Variants in NTNG2 observed in about 807,000 individuals in gnomAD.
NTNG2 encodes netrin G2.
A neutral mutation model predicts 47.6 loss-of-function variants in NTNG2; 15 were observed. The ratio of observed to expected loss-of-function variants is 0.32; its 90% CI spans 0.21 to 0.49. The LOEUF (loss-of-function observed/expected upper bound fraction) is 0.49. Among genes scored for constraint, NTNG2 ranks in the 20% least tolerant of loss-of-function variants. The pLI, the probability that NTNG2 is intolerant of heterozygous loss-of-function variation, is 0.99. For synonymous variants in NTNG2, 307 were observed against 324.6 expected, an observed-to-expected ratio of 0.95 and a Z score of 0.58; for missense variants, 578 against 764.6, an observed-to-expected ratio of 0.76 and a Z score of 2.88.
intron 3 of NTNG2, among the ~76,000 whole-genome samples, chr9:132,222,506 AG>A (rs1840417981): frequency 6.6e-6 from 1 of 152,232 alleles, no homozygotes; most frequent in African/African-American, 2.4e-5. Flanking sequence ...CCAGGCTCTC[AG>A]GGGAAGATGG....
At chr9:132,203,686 C>T (rs1275333454) in intron 3 of NTNG2, among the ~76,000 whole-genome samples, 4 of 152,240 alleles carry the variant, frequency 2.6e-5, no homozygotes, top group Admixed American at 2.6e-4. Context: ...GCTCAGTGTC[C>T]TCCTGCAGCC....
At chr9:132,217,054 C>T (rs1363225843) in intron 3 of NTNG2, among the ~76,000 whole-genome samples, 1 of 152,174 alleles carries the variant, frequency 6.6e-6, no homozygotes, top group Admixed American at 6.5e-5. Context: ...TGAGATCCAG[C>T]TCTAGTGCCA....
In NTNG2 at chr9:132,180,246, C is replaced by T. The variant is rs886578427; in HGVS notation, c.213+13202C>T. On this transcript the variant is annotated intron_variant, in intron 2 of 7. Transcript: ENST00000393229. The surrounding 1 kb of genome is among the most constrained non-coding windows in gnomAD (Gnocchi z 4.2). ...CTTGGCCGAAGCAGAAGTCTGCTGT[C>T]GGGCAAAAGGTGAAGAAGAGACCAA... is the stretch of plus-strand genomic sequence containing the variant. 5.3e-5 allele frequency among the ~76,000 whole-genome samples: 8 copies of T among 152,216 alleles called. No homozygotes were observed. The highest frequency in any genetic ancestry group is 7.3e-5 in the Non-Finnish European group (5 of 68,032).
intron 2 of NTNG2, among the ~76,000 whole-genome samples, chr9:132,194,038 A>G (rs549494412): frequency 2.6e-5 from 4 of 152,308 alleles, no homozygotes; most frequent in East Asian, 1.9e-4. Flanking sequence ...TTTAACCTCA[A>G]TCACCTCTTG....
chr9:132,165,445 TCA>T, intron 1 of NTNG2, among the ~76,000 whole-genome samples: 1 of 152,326 alleles, frequency 6.6e-6, no homozygotes, highest in African/African-American at 2.4e-5. Context: ...AAATCTGAAC[TCA>T]CAAAGCATTG....
chr9:132,189,068 CTTTTTTTTTT>C (rs749756559), intron 2 of NTNG2, among the ~76,000 whole-genome samples: 16 of 93,280 alleles, frequency 1.7e-4, no homozygotes, highest in East Asian at 6.1e-4. Flanking sequence ...TTAAGCCTTT[CTTTTTTTTTT>C]TTTTTTTTTT....
chr9:132,234,092 ATC>A (rs1196235708), intron 5 of NTNG2, among the ~76,000 whole-genome samples: 1 of 150,444 alleles, frequency 6.6e-6, no homozygotes, highest in Non-Finnish European at 1.5e-5. Flanking sequence ...CAATGGAGCA[ATC>A]TCAGCTCACT....
rs1841633434 is a variant in NTNG2, at chr9:132,236,467, C to T, written c.1055-2637C>T. ...CCAAGCCTGGGTGGGGAATTAGGGCCTGAGGTCTAGGGAACAGGTGAGCTG... is the reference window on the plus strand; with the variant it reads ...CCAAGCCTGGGTGGGGAATTAGGGCTTGAGGTCTAGGGAACAGGTGAGCTG... On this transcript the variant is annotated intron_variant, in intron 5 of 7. Transcript: ENST00000393229. The surrounding 1 kb of genome is among the most constrained non-coding windows in gnomAD (Gnocchi z 4.3). Among the ~76,000 whole-genome samples the T allele has an allele frequency of 6.6e-6, 1 of 152,194 alleles. No individual in the cohort carries two copies.
intron 6 of NTNG2, 127 bp from the exon 7 acceptor site, chr9:132,240,783 G>A: frequency 7.0e-7 from 1 of 1,430,400 alleles, no homozygotes; most frequent in Admixed American, 2.0e-5. Context: ...GGCTCACGTG[G>A]ACCCAGTGTG....
chr9:132,164,104 C>T (rs1242779320), intron 1 of NTNG2, among the ~76,000 whole-genome samples: 1 of 152,160 alleles, frequency 6.6e-6, no homozygotes, highest in Non-Finnish European at 1.5e-5. Flanking sequence ...CAGAACCCGC[C>T]TGCAATATTC....
At chr9:132,203,188 G>A (rs778100842) in intron 3 of NTNG2, among the ~76,000 whole-genome samples, 1 of 151,968 alleles carries the variant, frequency 6.6e-6, no homozygotes, top group Non-Finnish European at 1.5e-5. Context: ...CACAACTTAC[G>A]TGGAAGCCAG....
At position 132,218,890 on chromosome 9, in the gene NTNG2, C is replaced by T. The variant is rs1309709338; in HGVS notation, c.858-7959C>T. On this transcript the variant is annotated intron_variant, in intron 3 of 7. Transcript: ENST00000393229. The surrounding 1 kb of genome is among the most constrained non-coding windows in gnomAD (Gnocchi z 5.4). ...AAAGCCTGGAAGCTGTAAGCCCTTC[C>T]CTGTTTCCACACATCCCGATCATTC... Among the ~76,000 whole-genome samples, 1 of 152,212 alleles carries T rather than the reference C, an allele frequency of 6.6e-6. No individual in the cohort carries two copies. The highest frequency in any genetic ancestry group is 1.5e-5 in the Non-Finnish European group (1 of 68,044).
At chr9:132,169,374 CTTTTGGAGGGGTGGT>C (rs1835727671) in intron 2 of NTNG2, among the ~76,000 whole-genome samples, 1 of 152,064 alleles carries the variant, frequency 6.6e-6, no homozygotes, top group South Asian at 2.1e-4. Flanking sequence ...GGAGGGCTGG[CTTTTGGAGGGGTGGT>C]TTTTGGAGGG....
At chr9:132,212,183 C>T (rs1839638032) in intron 3 of NTNG2, among the ~76,000 whole-genome samples, 1 of 152,160 alleles carries the variant, frequency 6.6e-6, no homozygotes, top group South Asian at 2.1e-4. Context: ...TGGGCCTGGT[C>T]CTTCCCTCGG....
intron 5 of NTNG2, among the ~76,000 whole-genome samples, chr9:132,237,220 G>T (rs1841693617): frequency 6.6e-6 from 1 of 152,168 alleles, no homozygotes; most frequent in African/African-American, 2.4e-5. Context: ...CTTCAGGAAG[G>T]GGCCCCACCT....
At position 132,242,666 on chromosome 9, in the gene NTNG2, G is replaced by C. The variant is rs1842061890; in HGVS notation, c.*555G>C. 6.6e-6 allele frequency: 1 copy of C among 152,418 alleles called. No homozygotes were observed. The highest frequency in any genetic ancestry group is 2.4e-5 in the African/African-American group (1 of 41,414). 9.4% of individuals were successfully genotyped at this position (152,418 alleles called of 1,614,324 possible). ...GGTGACCACGGAACTCACCGTCTGGGGGAGGAGGAGAGAAGGAAGGGGTGG... is the reference window on the plus strand; with the variant it reads ...GGTGACCACGGAACTCACCGTCTGGCGGAGGAGGAGAGAAGGAAGGGGTGG... On this transcript the variant is annotated 3_prime_UTR_variant, in exon 8 of 8. Transcript: ENST00000393229. This position sits in a 1 kb window ranked among gnomAD's most constrained non-coding sequence, Gnocchi z 5.9.
chr9:132,192,587 T>C (rs1281529139), intron 2 of NTNG2, among the ~76,000 whole-genome samples: 3 of 151,960 alleles, frequency 2.0e-5, no homozygotes, highest in African/African-American at 7.3e-5. Flanking sequence ...CAAGATTCTG[T>C]CTCAAAAAAC....
chr9:132,177,495 C>A (rs1836555916), intron 2 of NTNG2, among the ~76,000 whole-genome samples: 1 of 152,216 alleles, frequency 6.6e-6, no homozygotes. Context: ...GGGAAAAGGT[C>A]TATCTTTATT....
In NTNG2 at chr9:132,239,090, C is replaced by T. The variant is rs1040990969; in HGVS notation, c.1055-14C>T. 6.2e-7 allele frequency: 1 copy of T among 1,609,124 alleles called. No individual in the cohort carries two copies. The highest frequency in any genetic ancestry group is 8.5e-7 in the Non-Finnish European group (1 of 1,175,902). On this transcript the variant is annotated splice_polypyrimidine_tract_variant and intron_variant, in intron 5 of 7. Coordinates refer to ENST00000393229, the MANE Select transcript of NTNG2 (RefSeq NM_032536.4). ...TCGCTGACCATTGGTATTTCTCCCA[C>T]TTGGCCGGCCCAGACTGCGAATGCT...
Sources: gnomAD v4.1 joint callset for allele counts (sites outside exome capture counted in the v4.1 genomes callset) on GRCh38, gnomAD v4.1.1 for gene constraint, Gnocchi (gnomAD v3.1) non-coding constraint, MANE v1.5 for transcripts, NCBI Gene and HGNC (gene_info 2026-07-23, HGNC 2026-07-21) for gene names.